Variants in SLC12A9 observed in about 807,000 individuals in gnomAD.
SLC12A9 encodes solute carrier family 12 member 9.
SLC12A9 carries 55 observed loss-of-function variants against 66.0 expected under a neutral mutation model. That is an observed-to-expected ratio of 0.83 (90% CI 0.67 to 1.04). The LOEUF is 1.04. Among genes scored for constraint, SLC12A9 ranks in the 50% least tolerant of loss-of-function variants. The probability of loss-of-function intolerance (pLI) is 0.00; values close to 1 mark genes in which losing one functional copy is unlikely to be tolerated. For synonymous variants in SLC12A9, 577 were observed against 569.0 expected (o/e 1.01, Z -0.20); for missense variants, 1,061 against 1,241.9 (o/e 0.85, Z 2.19).
chr7:100,841,314 TA>T (rs1030763091), intron 1 of SLC12A9, among the ~76,000 whole-genome samples: 25 of 146,972 alleles, frequency 1.7e-4, no homozygotes, highest in South Asian at 6.5e-4. Context: ...TAAAACTATT[TA>T]AAAAAAAAAA....
rs201444736 is a variant in SLC12A9, at chr7:100,856,965, C to T, written c.546C>T (p.Cys182=). The T allele has an allele frequency of 8.2e-5, 132 of 1,613,702 alleles. No homozygotes were observed. Among genetic ancestry groups the T allele is most frequent in the Admixed American group, 1.7e-4 (10 of 60,000 alleles). Residue 182 remains cysteine (C), a synonymous_variant, in exon 5 of 14, where the codon TGC becomes TGT. Transcript: ENST00000354161. ...TGCTGGGCCTTGTGGGTGGGGTCTGCACCCTGGGAGCCGGCCTCTATGCCC... is the reference window on the plus strand; with the variant it reads ...TGCTGGGCCTTGTGGGTGGGGTCTGTACCCTGGGAGCCGGCCTCTATGCCC... ...SLLLGLVGGV[C]TLGAGLYARA... is the part of the protein sequence containing the mutation.
chr7:100,834,261 A>G (rs145244895), intron 1 of SLC12A9, among the ~76,000 whole-genome samples: 178 of 152,214 alleles, frequency 1.2e-3, no homozygotes, highest in African/African-American at 4.0e-3. Context: ...CAGAGTTCAC[A>G]ACGCCAGGTC....
In SLC12A9 at chr7:100,866,696, C is replaced by T. The variant is rs1815121295; in HGVS notation, c.*91C>T. ...GGAGGAAGAGGAGGCCACTGTGGCC[C>T]GTGGCCCTGCCCTTGGGACGTGGAG... On this transcript the variant is annotated 3_prime_UTR_variant, in exon 14 of 14. Transcript: ENST00000354161. This position sits in a 1 kb window ranked among gnomAD's most constrained non-coding sequence, Gnocchi z 7.3. 10 of 1,330,118 alleles carry T rather than the reference C, an allele frequency of 7.5e-6. No homozygotes were observed. Among genetic ancestry groups the T allele is most frequent in the South Asian group, 4.8e-5 (3 of 62,846 alleles). 82.4% of individuals were successfully genotyped at this position (1,330,118 alleles called of 1,614,324 possible).
chr7:100,855,891 G>A, intron 4 of SLC12A9, 54 bp downstream of exon 4: 2 of 1,523,560 alleles, frequency 1.3e-6, no homozygotes, highest in Admixed American at 2.1e-5. Flanking sequence ...GTCTGGGAGT[G>A]TGGGATCATG....
chr7:100,845,709 C>T (rs1039495992), intron 1 of SLC12A9, among the ~76,000 whole-genome samples: 9 of 152,274 alleles, frequency 5.9e-5, no homozygotes, highest in African/African-American at 2.2e-4. Flanking sequence ...AACTCCTAGG[C>T]TTCCCTGTCT....
intron 1 of SLC12A9, among the ~76,000 whole-genome samples, chr7:100,833,562 T>G (rs1383979207): frequency 6.6e-6 from 1 of 151,578 alleles, no homozygotes; most frequent in African/African-American, 2.4e-5. Flanking sequence ...ATCCCAGCAC[T>G]TTGGGAGGCC....
intron 9 of SLC12A9, chr7:100,860,505 G>C (rs1453739067): frequency 2.0e-6 from 1 of 488,322 alleles, no homozygotes; most frequent in African/African-American, 1.9e-5. Flanking sequence ...GACACTTTTT[G>C]GGGTATACTA....
intron 5 of SLC12A9, chr7:100,858,412 AAAAT>A (rs1053181923): frequency 7.1e-5 from 11 of 155,812 alleles, no homozygotes; most frequent in East Asian, 1.9e-4. Context: ...ACTCCATCTC[AAAAT>A]AAATAAATAA....
At chr7:100,837,866 T>TG (rs1454219069) in intron 1 of SLC12A9, among the ~76,000 whole-genome samples, 7 of 143,324 alleles carry the variant, frequency 4.9e-5, no homozygotes, top group Non-Finnish European at 1.1e-4. Context: ...TTTTTTTTTT[T>TG]TTTTTTTTTT....
chr7:100,856,987 G>A lies in SLC12A9; in HGVS notation c.568G>A (p.Ala190Thr). The A allele has an allele frequency of 6.2e-7, 1 of 1,614,098 alleles. No individual in the cohort carries two copies. The highest frequency in any genetic ancestry group is 1.1e-5 in the South Asian group (1 of 91,088). The change falls in exon 5 of 14, where the codon GCC (alanine) becomes ACC (threonine). Residue 190 changes from alanine (A) to threonine (T), a missense_variant. Physicochemically the swap from Ala to Thr is moderately conservative, Grantham distance 58. Coordinates refer to ENST00000354161, the MANE Select transcript of SLC12A9 (RefSeq NM_020246.4). ...GVCTLGAGLY[A>T]RASFLTFLLV... ...CTGCACCCTGGGAGCCGGCCTCTAT[G>A]CCCGGGCCTCATTCCTCACATTCCT...
intron 1 of SLC12A9, among the ~76,000 whole-genome samples, chr7:100,828,551 CA>C (rs34743877): frequency 7.2e-3 from 291 of 40,660 alleles, no homozygotes; most frequent in African/African-American, 0.02. Flanking sequence ...GACGAAATCT[CA>C]AAAAAAAAAA....
At chr7:100,828,098 T>C (rs1813463885) in intron 1 of SLC12A9, among the ~76,000 whole-genome samples, 1 of 152,204 alleles carries the variant, frequency 6.6e-6, no homozygotes, top group Admixed American at 6.5e-5. Flanking sequence ...TTGGATAGCC[T>C]TGCAGCGAAC....
chr7:100,844,015 C>T (rs1343962980), intron 1 of SLC12A9, among the ~76,000 whole-genome samples: 2 of 152,158 alleles, frequency 1.3e-5, no homozygotes, highest in East Asian at 1.9e-4. Flanking sequence ...AAGCCCTGCT[C>T]CAGTCACACC....
chr7:100,837,241 T>G (rs1309853564), intron 1 of SLC12A9: 1 of 152,198 alleles, frequency 6.6e-6, no homozygotes, highest in Non-Finnish European at 1.5e-5. Context: ...CTGGGCCCAG[T>G]CCCACAATCC....
chr7:100,858,892 C>T lies in SLC12A9; in HGVS notation c.815C>T (p.Ala272Val). 6.2e-7 allele frequency: 1 copy of T among 1,614,212 alleles called. No individual in the cohort carries two copies. Among genetic ancestry groups the T allele is most frequent in the Non-Finnish European group, 8.5e-7 (1 of 1,180,030 alleles). The part of the protein sequence containing the change: ...GAVMNFASVF[A>V]VLFNGCTGIM... ...GTGATGAATTTTGCCAGCGTCTTTG[C>T]TGTCCTCTTTAACGGCTGTACAGGC... Residue 272 changes from alanine (A) to valine (V), a missense_variant, in exon 6 of 14, where the codon GCT becomes GTT. Transcript: ENST00000354161.
chr7:100,831,256 G>A (rs937957188), intron 1 of SLC12A9, among the ~76,000 whole-genome samples: 3 of 152,040 alleles, frequency 2.0e-5, no homozygotes, highest in African/African-American at 4.8e-5. Context: ...GTGCGATCTC[G>A]GCTCACCACA....
chr7:100,829,580 T>C (rs1813503762), intron 1 of SLC12A9, among the ~76,000 whole-genome samples: 1 of 152,084 alleles, frequency 6.6e-6, no homozygotes, highest in South Asian at 2.1e-4. Context: ...CAGACCAGGC[T>C]GGAGCTGGGA....
chr7:100,837,859 T>TTG (rs1421473323), intron 1 of SLC12A9, among the ~76,000 whole-genome samples: 1 of 136,866 alleles, frequency 7.3e-6, no homozygotes, highest in African/African-American at 2.8e-5. Context: ...CAATTTTTTT[T>TTG]TTTTTTTTTT....
At chr7:100,851,302 G>A (rs1451496483), upstream of SLC12A9, among the ~76,000 whole-genome samples, 1 of 152,108 alleles carries the variant, frequency 6.6e-6, no homozygotes, top group Non-Finnish European at 1.5e-5. Flanking sequence ...TGAAGACAAG[G>A]TCCAAGGCAA....
Sources: allele counts gnomAD v4.1 joint callset (sites outside exome capture counted in the v4.1 genomes callset), GRCh38; gene constraint gnomAD v4.1.1; non-coding constraint Gnocchi (gnomAD v3.1); transcripts MANE v1.5; gene names NCBI Gene and HGNC (gene_info 2026-07-23, HGNC 2026-07-21).